The following PBX3 variants were observed in gnomAD, a reference collection of about 807,000 sequenced individuals.
The protein encoded by PBX3 is PBX homeobox 3, also known as pre-B-cell leukemia transcription factor 3.
A neutral mutation model predicts 48.5 loss-of-function variants in PBX3; 14 were observed. The observed-to-expected ratio is 0.29, with a 90% CI of 0.19 to 0.45. The LOEUF is 0.45. Among genes scored for constraint, PBX3 ranks in the 20% least tolerant of loss-of-function variants. The pLI is 1.00. For synonymous variants in PBX3, 210 were observed against 200.3 expected (o/e 1.05, Z -0.41); for missense variants, 386 against 546.7 (o/e 0.71, Z 2.93).
chr9:125,860,702 C>G lies in PBX3; in HGVS notation c.275-54984C>G, dbSNP rs558710849. Among the ~76,000 whole-genome samples, 25 of 151,268 alleles carry G rather than the reference C, an allele frequency of 1.7e-4. No homozygotes were observed. The South Asian group carries it at 5.2e-3, about 32-fold the overall frequency. On this transcript the variant is annotated intron_variant, in intron 2 of 8. Coordinates refer to ENST00000373489, the MANE Select transcript of PBX3 (RefSeq NM_006195.6). ...GGTTAGGAGTTCAAGACCAGCCTGG[C>G]CAACATGGTGAAACCCTGTCTCTAC...
chr9:125,928,760 C>T (rs1044354997), intron 3 of PBX3, among the ~76,000 whole-genome samples: 2 of 152,242 alleles, frequency 1.3e-5, no homozygotes, highest in South Asian at 2.1e-4. Context: ...CCACCGCGCC[C>T]GGCCTGAGGA....
intron 2 of PBX3, among the ~76,000 whole-genome samples, chr9:125,818,905 G>A (rs1373098748): frequency 6.6e-6 from 1 of 151,522 alleles, no homozygotes; most frequent in African/African-American, 2.4e-5. Context: ...GTGTGATCTC[G>A]GCTGACTGCA....
At chr9:125,902,368 A>G (rs944568493) in intron 2 of PBX3, among the ~76,000 whole-genome samples, 1 of 151,714 alleles carries the variant, frequency 6.6e-6, no homozygotes, top group South Asian at 2.1e-4. Context: ...TTGGGATCGT[A>G]GACAATGACT....
intron 5 of PBX3, among the ~76,000 whole-genome samples, chr9:125,956,981 T>C (rs1842323810): frequency 1.3e-5 from 2 of 152,196 alleles, no homozygotes; most frequent in Non-Finnish European, 2.9e-5. Context: ...AGCTTAGGGC[T>C]TCTTTTGCAA....
chr9:125,775,384 TA>T (rs1837046537), intron 2 of PBX3, among the ~76,000 whole-genome samples: 1 of 152,222 alleles, frequency 6.6e-6, no homozygotes, highest in African/African-American at 2.4e-5. Context: ...TTAGGTCTTA[TA>T]TTTAGGTGGT....
At chr9:125,928,639 G>T (rs1015692105) in intron 3 of PBX3, among the ~76,000 whole-genome samples, 2 of 151,920 alleles carry the variant, frequency 1.3e-5, no homozygotes, top group Non-Finnish European at 2.9e-5. Context: ...CTAATTTTTT[G>T]TATTTTTAGT....
At chr9:125,819,423 G>C (rs1838580107) in intron 2 of PBX3, among the ~76,000 whole-genome samples, 1 of 151,890 alleles carries the variant, frequency 6.6e-6, no homozygotes, top group African/African-American at 2.4e-5. Context: ...CTACTCGGAA[G>C]GTTGAGGCAG....
intron 2 of PBX3, among the ~76,000 whole-genome samples, chr9:125,868,179 G>GTT (rs56660114): frequency 0.036 from 5,295 of 147,350 alleles, 315 homozygotes; most frequent in African/African-American, 0.12. Flanking sequence ...CCAGACTGCA[G>GTT]TTTTTTTTTT....
At chr9:125,819,953 G>T (rs10819078) in intron 2 of PBX3, among the ~76,000 whole-genome samples, 3,033 of 152,004 alleles carry the variant, frequency 0.02, 167 homozygotes, top group East Asian at 0.17. Flanking sequence ...ATTCTTGGAG[G>T]ATTAATATGG....
intron 2 of PBX3, among the ~76,000 whole-genome samples, chr9:125,820,526 T>G (rs773535811): frequency 2.0e-5 from 3 of 152,260 alleles, no homozygotes; most frequent in Non-Finnish European, 2.9e-5. Flanking sequence ...AATTTCATAT[T>G]GTGACAACAC....
chr9:125,932,600 C>CA (rs1841742904), intron 4 of PBX3, among the ~76,000 whole-genome samples: 2 of 151,952 alleles, frequency 1.3e-5, no homozygotes, highest in South Asian at 4.2e-4. Context: ...CATCAGACGA[C>CA]AAAAAACATT....
intron 1 of PBX3, 69 bp from the exon 2 acceptor site, chr9:125,748,481 T>C: frequency 6.3e-7 from 1 of 1,579,670 alleles, no homozygotes; most frequent in Non-Finnish European, 8.7e-7. Flanking sequence ...TGGGTCTAAC[T>C]TAAAGGAAGG....
At chr9:125,878,086 A>T (rs1840298599) in intron 2 of PBX3, among the ~76,000 whole-genome samples, 1 of 152,224 alleles carries the variant, frequency 6.6e-6, no homozygotes, top group Non-Finnish European at 1.5e-5. Context: ...TGATTTTGCC[A>T]CCATTATGGT....
rs756293477 is a variant in PBX3 at position 125,747,384 on chromosome 9, TCGCCGCCGCCGC to T, written c.-59_-48del. The T allele has an allele frequency of 1.3e-5, 8 of 600,146 alleles. No homozygotes were observed. Among genetic ancestry groups the T allele is most frequent in the South Asian group, 3.1e-5 (1 of 32,288 alleles). The allele number at this position is 600,146 out of a possible 1,614,324, so 37.2% of individuals were successfully genotyped here. On this transcript the variant is annotated 5_prime_UTR_variant, in exon 1 of 9. Coordinates refer to ENST00000373489, the MANE Select transcript of PBX3 (RefSeq NM_006195.6). ...TCCCCCTCTTTCTTCTCCTCCCTCG[TCGCCGCCGCCGC>T]CGCCGCCGCCTCAGCCTTCGCCTCA...
At chr9:125,831,908 A>G (rs971891282) in intron 2 of PBX3, among the ~76,000 whole-genome samples, 14 of 152,080 alleles carry the variant, frequency 9.2e-5, no homozygotes, top group Non-Finnish European at 2.1e-4. Flanking sequence ...AGAATCTGCC[A>G]TTTCTCCAAA....
chr9:125,836,415 A>G (rs975016422), intron 2 of PBX3, among the ~76,000 whole-genome samples: 1 of 152,170 alleles, frequency 6.6e-6, no homozygotes, highest in Non-Finnish European at 1.5e-5. Context: ...ACTGCACTCC[A>G]GCCTGGGCGA....
chr9:125,761,975 C>T (rs1476486663), intron 2 of PBX3, among the ~76,000 whole-genome samples: 1 of 152,088 alleles, frequency 6.6e-6, no homozygotes, highest in African/African-American at 2.4e-5. Context: ...TCATTTTCTT[C>T]CTCATATTAA....
At chr9:125,853,035 C>G (rs1297704104) in intron 2 of PBX3, among the ~76,000 whole-genome samples, 1 of 151,262 alleles carries the variant, frequency 6.6e-6, no homozygotes, top group Admixed American at 6.6e-5. Flanking sequence ...TAAAAACATT[C>G]TTTTTCTCAA....
intron 3 of PBX3, among the ~76,000 whole-genome samples, chr9:125,923,319 A>T (rs1053872003): frequency 6.6e-6 from 1 of 152,188 alleles, no homozygotes; most frequent in Admixed American, 6.5e-5. Flanking sequence ...ATTTGTTAAG[A>T]TATATGCCGT....
Sources: allele counts gnomAD v4.1 joint callset (sites outside exome capture counted in the v4.1 genomes callset), GRCh38; gene constraint gnomAD v4.1.1; transcripts MANE v1.5; gene names NCBI Gene and HGNC (gene_info 2026-07-23, HGNC 2026-07-21).